Variants in CARMIL1 observed in about 807,000 individuals in gnomAD.
CARMIL1 encodes the protein F-actin-uncapping protein LRRC16A.
A neutral mutation model predicts 177.1 loss-of-function variants in CARMIL1; 90 were observed. The ratio of observed to expected loss-of-function variants is 0.51; its 90% CI spans 0.43 to 0.61. CARMIL1 has a LOEUF of 0.61. Among genes scored for constraint, CARMIL1 ranks in the 20% least tolerant of loss-of-function variants. CARMIL1 has a pLI of 0.00. For synonymous variants in CARMIL1, 577 were observed against 606.2 expected (o/e 0.95, Z 0.71); for missense variants, 1,380 against 1,667.0 (o/e 0.83, Z 3.00).
intron 27 of CARMIL1, among the ~76,000 whole-genome samples, chr6:25,552,510 A>T (rs960869195): frequency 6.6e-6 from 1 of 152,128 alleles, no homozygotes; most frequent in Admixed American, 6.5e-5. Context: ...GAATGAAAAT[A>T]TTTACACCTA....
At chr6:25,343,709 C>G (rs1787193104) in intron 2 of CARMIL1, among the ~76,000 whole-genome samples, 1 of 152,118 alleles carries the variant, frequency 6.6e-6, no homozygotes, top group Non-Finnish European at 1.5e-5. Flanking sequence ...TGTGTGCTCA[C>G]CATCAGTCAT....
intron 2 of CARMIL1, among the ~76,000 whole-genome samples, chr6:25,381,226 AG>A (rs1323364687): frequency 3.3e-5 from 5 of 152,238 alleles, no homozygotes; most frequent in African/African-American, 1.2e-4. Flanking sequence ...GTATTGAAAT[AG>A]GCAGTTATAA....
At chr6:25,487,135 A>T (rs905387612) in intron 12 of CARMIL1, among the ~76,000 whole-genome samples, 1 of 152,230 alleles carries the variant, frequency 6.6e-6, no homozygotes, top group African/African-American at 2.4e-5. Flanking sequence ...TCAGACACAC[A>T]CTAGAATCAG....
chr6:25,409,192 A>G (rs1003717528), intron 2 of CARMIL1, among the ~76,000 whole-genome samples: 6 of 152,190 alleles, frequency 3.9e-5, no homozygotes, highest in Non-Finnish European at 2.9e-5. Flanking sequence ...CTCAAGCCAC[A>G]TGCTGAAGAT....
intron 26 of CARMIL1, among the ~76,000 whole-genome samples, chr6:25,547,167 T>G (rs1269931359): frequency 2.0e-5 from 3 of 152,148 alleles, no homozygotes; most frequent in African/African-American, 7.2e-5. Flanking sequence ...TTGAGAGACT[T>G]TAAGGAAATT....
Position 25,581,346 on chromosome 6 carries a change from C to G in CARMIL1, c.2913C>G (p.Ile971Met), listed in dbSNP as rs536873204. The G allele has an allele frequency of 9.9e-6, 16 of 1,613,574 alleles. No homozygotes were observed. The East Asian group carries it at 3.1e-4, about 31-fold the overall frequency. Reference sequence around the variant, plus strand: ...AGGAGAAGCGGAGCTCGGGATTTATCTCTGAGTTGCCCTCTGAAGAGGGGA... The same window carrying G: ...AGGAGAAGCGGAGCTCGGGATTTATGTCTGAGTTGCCCTCTGAAGAGGGGA... ...LRQEKRSSGF[I>M]SELPSEEGKK... Residue 971 changes from isoleucine to methionine, a missense_variant, in exon 31 of 37, where the codon ATC becomes ATG. By Grantham distance (10) the Ile-to-Met change is conservative. Coordinates refer to ENST00000329474, the MANE Select transcript of CARMIL1 (RefSeq NM_017640.6).
chr6:25,466,351 T>C (rs556851786), intron 9 of CARMIL1, among the ~76,000 whole-genome samples: 136 of 152,320 alleles, frequency 8.9e-4, no homozygotes, highest in African/African-American at 3.2e-3. Context: ...ACAGGTAGAG[T>C]TCCCCTGGTC....
Position 25,537,979 on chromosome 6 carries a change from A to G in CARMIL1, c.2192A>G (p.Lys731Arg), listed in dbSNP as rs1195008999. ...CTCATGCGTGATGCTAAGAACTCTA[A>G]AACGGTGAGTTTCACTTCAGGCTGT... The part of the protein sequence containing the change: ...ERLMRDAKNS[K>R]TLLPNLYHVG... Residue 731 changes from lysine to arginine, a missense_variant, in exon 25 of 37, where the codon AAA becomes AGA. Transcript: ENST00000329474. 1.9e-6 allele frequency: 3 copies of G among 1,599,722 alleles called. No homozygotes were observed. Among genetic ancestry groups the G allele is most frequent in the East Asian group, 4.5e-5 (2 of 44,564 alleles).
chr6:25,447,799 T>TG (rs1395461942), intron 5 of CARMIL1, among the ~76,000 whole-genome samples: 1 of 152,144 alleles, frequency 6.6e-6, no homozygotes, highest in Non-Finnish European at 1.5e-5. Context: ...GCCTCCAGAC[T>TG]GGGGGTGGCT....
In CARMIL1 at chr6:25,326,127, C is replaced by T. The variant is rs1283122527; in HGVS notation, c.138+41218C>T. Among the ~76,000 whole-genome samples the T allele has an allele frequency of 2.6e-5, 4 of 152,168 alleles. No homozygotes were observed. The highest frequency in any genetic ancestry group is 9.7e-5 in the African/African-American group (4 of 41,420). ...TCGTGATCCGCCCACCTCAGCCTCCCAAAATGCTGGGATTACAGGCGTGAG... is the reference window on the plus strand; with the variant it reads ...TCGTGATCCGCCCACCTCAGCCTCCTAAAATGCTGGGATTACAGGCGTGAG... On this transcript the variant is annotated intron_variant, in intron 2 of 36. Transcript: ENST00000329474. The surrounding 1 kb of genome is among the most constrained non-coding windows in gnomAD (Gnocchi z 4.2).
At position 25,544,638 on chromosome 6, in the gene CARMIL1, CA is replaced by C. The variant is rs1562270758; in HGVS notation, c.2328+4561del. Among the ~76,000 whole-genome samples the C allele has an allele frequency of 1.1e-3, 166 of 151,128 alleles. 1 individual carries two copies. The highest frequency in any genetic ancestry group is 3.8e-3 in the Admixed American group (57 of 15,196). ...ACACACACACACACACACACACACA[CA>C]CACACACCCCAAACACTAAAGGATA... On this transcript the variant is annotated intron_variant, in intron 26 of 36. Transcript: ENST00000329474.
chr6:25,327,267 A>C (rs983572733), intron 2 of CARMIL1, among the ~76,000 whole-genome samples: 2 of 152,184 alleles, frequency 1.3e-5, no homozygotes, highest in African/African-American at 2.4e-5. Flanking sequence ...AAGAACAGAA[A>C]GAACGGCCAG....
intron 5 of CARMIL1, among the ~76,000 whole-genome samples, chr6:25,438,354 G>A (rs1323950283): frequency 2.0e-5 from 3 of 152,150 alleles, no homozygotes; most frequent in South Asian, 2.1e-4. Flanking sequence ...CCCTGCCCAC[G>A]TGGAACTTAC....
intron 17 of CARMIL1, among the ~76,000 whole-genome samples, chr6:25,504,121 C>T (rs1804692473): frequency 6.6e-6 from 1 of 151,906 alleles, no homozygotes; most frequent in African/African-American, 2.4e-5. Flanking sequence ...ATTTTTGATC[C>T]AGATTTAGTT....
chr6:25,532,101 T>C (rs1292456109), intron 24 of CARMIL1, among the ~76,000 whole-genome samples: 1 of 150,452 alleles, frequency 6.6e-6, no homozygotes, highest in African/African-American at 2.4e-5. Flanking sequence ...TTTTTTTTTT[T>C]CTTTTCCTTT....
At chr6:25,469,982 A>C (rs1800960339) in intron 9 of CARMIL1, among the ~76,000 whole-genome samples, 2 of 152,124 alleles carry the variant, frequency 1.3e-5, no homozygotes, top group African/African-American at 4.8e-5. Context: ...CCAGGGCACA[A>C]CTCTTCATTT....
intron 2 of CARMIL1, among the ~76,000 whole-genome samples, chr6:25,367,917 A>G (rs1421207316): frequency 6.6e-6 from 1 of 152,036 alleles, no homozygotes; most frequent in African/African-American, 2.4e-5. Context: ...ATGCCACCAT[A>G]CCCGGCTGAT....
At chr6:25,459,112 T>A (rs1310745735) in intron 8 of CARMIL1, among the ~76,000 whole-genome samples, 1 of 151,942 alleles carries the variant, frequency 6.6e-6, no homozygotes, top group Non-Finnish European at 1.5e-5. Context: ...CTTTTTCTTC[T>A]GGAAAGATAT....
At chr6:25,527,967 A>T (rs1807331339) in intron 23 of CARMIL1, among the ~76,000 whole-genome samples, 1 of 152,222 alleles carries the variant, frequency 6.6e-6, no homozygotes, top group Non-Finnish European at 1.5e-5. Context: ...ACAAATTTTT[A>T]AAAATAGATG....
Sources: allele counts gnomAD v4.1 joint callset (sites outside exome capture counted in the v4.1 genomes callset), GRCh38; gene constraint gnomAD v4.1.1; non-coding constraint Gnocchi (gnomAD v3.1); transcripts MANE v1.5; gene names NCBI Gene and HGNC (gene_info 2026-07-23, HGNC 2026-07-21).